The following PIGU variants were observed in gnomAD, a reference collection of about 807,000 sequenced individuals.
The protein encoded by PIGU is phosphatidylinositol glycan anchor biosynthesis class U.
In PIGU, 24 loss-of-function variants were observed where a neutral mutation model predicts 49.9. The observed-to-expected ratio is 0.48, with a 90% CI of 0.35 to 0.68. The LOEUF is 0.68. Among genes scored for constraint, PIGU ranks in the 30% least tolerant of loss-of-function variants. The pLI is 0.01. For missense variants in PIGU, 490 were observed against 532.6 expected, an observed-to-expected ratio of 0.92 and a Z score of 0.79; for synonymous variants, 220 against 205.7, an observed-to-expected ratio of 1.07 and a Z score of -0.59.
chr20:34,611,373 G>A (rs1406977880), intron 7 of PIGU, among the ~76,000 whole-genome samples: 1 of 152,054 alleles, frequency 6.6e-6, no homozygotes, highest in African/African-American at 2.4e-5. Context: ...CAGGCCAGGT[G>A]CGGTGGCTTA....
chr20:34,570,540 G>A (rs750168735), intron 11 of PIGU, among the ~76,000 whole-genome samples: 4 of 151,892 alleles, frequency 2.6e-5, no homozygotes, highest in Admixed American at 6.6e-5. Context: ...TCAGCCTCCC[G>A]AATAGCTGGG....
At chr20:34,640,326 T>G (rs1986108757) in intron 4 of PIGU, among the ~76,000 whole-genome samples, 1 of 152,086 alleles carries the variant, frequency 6.6e-6, no homozygotes, top group African/African-American at 2.4e-5. Flanking sequence ...CTTTCTAGTC[T>G]CCCTCAATTT....
intron 7 of PIGU, among the ~76,000 whole-genome samples, chr20:34,611,183 C>T (rs1361193066): frequency 2.6e-5 from 4 of 152,092 alleles, no homozygotes; most frequent in Admixed American, 2.6e-4. Context: ...GCAATTGCAA[C>T]GAAAGCCAAA....
At chr20:34,660,618 TCTAA>T (rs1986901801) in intron 1 of PIGU, among the ~76,000 whole-genome samples, 1 of 151,990 alleles carries the variant, frequency 6.6e-6, no homozygotes, top group African/African-American at 2.4e-5. Flanking sequence ...ATAACCTCAG[TCTAA>T]CTGTGAGAAG....
chr20:34,575,346 C>A, intron 10 of PIGU, 100 bp from the exon 11 acceptor site: 1 of 1,414,256 alleles, frequency 7.1e-7, no homozygotes, highest in Non-Finnish European at 9.5e-7. Flanking sequence ...AGGTGAGCAT[C>A]ATGTAGCTCA....
chr20:34,562,134 A>C (rs1568616236), intron 11 of PIGU, among the ~76,000 whole-genome samples: 1 of 152,318 alleles, frequency 6.6e-6, no homozygotes, highest in East Asian at 1.9e-4. Context: ...GGATTTGCCA[A>C]GGGCCCTATA....
intron 4 of PIGU, chr20:34,643,800 CAAA>C (rs749414414): frequency 6.0e-4 from 27 of 45,150 alleles, no homozygotes; most frequent in Middle Eastern, 0.012. Context: ...TCTTCCTATG[CAAA>C]AAAAAAAAAA....
chr20:34,606,123 C>T (rs1984601436), intron 7 of PIGU, among the ~76,000 whole-genome samples: 1 of 151,938 alleles, frequency 6.6e-6, no homozygotes, highest in Non-Finnish European at 1.5e-5. Flanking sequence ...GGCGTGGTGG[C>T]AGGTGCCTGT....
At chr20:34,671,811 C>G (rs1391337697) in intron 1 of PIGU, among the ~76,000 whole-genome samples, 5 of 151,826 alleles carry the variant, frequency 3.3e-5, no homozygotes, top group Admixed American at 1.3e-4. Context: ...CTCAGCTACT[C>G]AGGAGGCTAA....
chr20:34,573,545 T>A (rs1459500533), intron 11 of PIGU, among the ~76,000 whole-genome samples: 2 of 152,208 alleles, frequency 1.3e-5, no homozygotes, highest in Non-Finnish European at 2.9e-5. Flanking sequence ...CTAAGACTCA[T>A]GACAAGACAA....
chr20:34,565,155 C>T (rs1982691000), intron 11 of PIGU, among the ~76,000 whole-genome samples: 1 of 152,194 alleles, frequency 6.6e-6, no homozygotes, highest in Non-Finnish European at 1.5e-5. Flanking sequence ...ATGGGCGAGT[C>T]AGCGGCTGTG....
At chr20:34,597,141 C>T (rs1984232795) in intron 7 of PIGU, among the ~76,000 whole-genome samples, 1 of 152,098 alleles carries the variant, frequency 6.6e-6, no homozygotes, top group Non-Finnish European at 1.5e-5. Context: ...CTGCTAGGTA[C>T]TGCTCAAGAG....
chr20:34,659,350 G>A (rs1986852693), intron 1 of PIGU, among the ~76,000 whole-genome samples: 1 of 147,590 alleles, frequency 6.8e-6, no homozygotes, highest in Admixed American at 6.7e-5. Context: ...GGAGGTGAGG[G>A]GCGCCTCTGC....
intron 6 of PIGU, among the ~76,000 whole-genome samples, chr20:34,622,025 C>T (rs960967331): frequency 1.3e-5 from 2 of 151,994 alleles, no homozygotes; most frequent in South Asian, 4.2e-4. Context: ...GCTGTGTGTA[C>T]TGTAATTAGC....
chr20:34,627,736 C>T (rs983789673), intron 6 of PIGU, among the ~76,000 whole-genome samples: 2 of 152,016 alleles, frequency 1.3e-5, no homozygotes, highest in Admixed American at 6.6e-5. Context: ...CAGGCTGCTG[C>T]GTATATTGTT....
intron 7 of PIGU, among the ~76,000 whole-genome samples, chr20:34,607,234 C>T (rs759007971): frequency 6.6e-6 from 1 of 152,112 alleles, no homozygotes. Context: ...CCGTTCCTGG[C>T]GACGGCCCCA....
intron 11 of PIGU, among the ~76,000 whole-genome samples, chr20:34,563,561 T>C (rs1015237558): frequency 5.2e-5 from 7 of 133,726 alleles, no homozygotes; most frequent in Non-Finnish European, 1.1e-4. Context: ...CAAAAAGTAA[T>C]AATAAAAAAT....
intron 11 of PIGU, among the ~76,000 whole-genome samples, chr20:34,569,478 G>A (rs919860911): frequency 5.9e-5 from 9 of 152,106 alleles, no homozygotes; most frequent in African/African-American, 2.2e-4. Context: ...CGATCTGCCC[G>A]CCTCAGCCTC....
intron 6 of PIGU, 95 bp downstream of exon 6, chr20:34,634,520 A>G: frequency 7.1e-7 from 1 of 1,413,234 alleles, no homozygotes; most frequent in Non-Finnish European, 9.3e-7. Flanking sequence ...TAAGTGTTGC[A>G]TTAAAAAAAA....
Sources: gnomAD v4.1 joint callset for allele counts (sites outside exome capture counted in the v4.1 genomes callset) on GRCh38, gnomAD v4.1.1 for gene constraint, MANE v1.5 for transcripts, NCBI Gene and HGNC (gene_info 2026-07-23, HGNC 2026-07-21) for gene names.